The following FSTL5 variants were observed in gnomAD, a reference collection of about 807,000 sequenced individuals.
FSTL5 encodes the protein follistatin like 5.
FSTL5 carries 62 observed loss-of-function variants against 89.1 expected under a neutral mutation model. The ratio of observed to expected loss-of-function variants is 0.70; its 90% CI spans 0.57 to 0.86. FSTL5 has a LOEUF of 0.86. FSTL5 is among the 40% of genes least tolerant of loss of function. FSTL5 has a pLI of 0.00. For missense variants in FSTL5, 1,057 were observed against 1,001.6 expected (o/e 1.06, Z -0.75); for synonymous variants, 383 against 346.2 (o/e 1.11, Z -1.18).
chr4:162,159,663 G>A (rs1292845057), intron 1 of FSTL5, among the ~76,000 whole-genome samples: 4 of 152,024 alleles, frequency 2.6e-5, no homozygotes, highest in African/African-American at 9.7e-5. Flanking sequence ...CTACAGAGGT[G>A]CATGGCTTAT....
At chr4:161,862,092 T>C (rs1017058201) in intron 4 of FSTL5, among the ~76,000 whole-genome samples, 9 of 152,178 alleles carry the variant, frequency 5.9e-5, no homozygotes, top group African/African-American at 2.2e-4. Context: ...TAGAAAAACA[T>C]TTTTAAAACT....
intron 7 of FSTL5, among the ~76,000 whole-genome samples, chr4:161,608,493 T>A (rs1734529662): frequency 6.6e-6 from 1 of 151,984 alleles, no homozygotes; most frequent in Non-Finnish European, 1.5e-5. Flanking sequence ...ATAAACAGGC[T>A]CAGAAATCTT....
At chr4:161,588,060 G>T (rs566191194) in intron 7 of FSTL5, among the ~76,000 whole-genome samples, 1 of 152,236 alleles carries the variant, frequency 6.6e-6, no homozygotes, top group East Asian at 1.9e-4. Flanking sequence ...TGTAGTCCCA[G>T]TTACTCCAGA....
chr4:161,876,959 C>T (rs1415426179), intron 4 of FSTL5, among the ~76,000 whole-genome samples: 2 of 151,886 alleles, frequency 1.3e-5, no homozygotes, highest in Admixed American at 1.3e-4. Context: ...CCGAGACAGG[C>T]GGATCACCAG....
chr4:161,878,872 T>G (rs979578712), intron 4 of FSTL5, among the ~76,000 whole-genome samples: 3 of 152,210 alleles, frequency 2.0e-5, no homozygotes, highest in Non-Finnish European at 2.9e-5. Flanking sequence ...TTCCATCCAT[T>G]GTTTAATATG....
intron 6 of FSTL5, among the ~76,000 whole-genome samples, chr4:161,714,153 A>G (rs1738895964): frequency 6.6e-6 from 1 of 152,160 alleles, no homozygotes; most frequent in African/African-American, 2.4e-5. Flanking sequence ...CTTTGTGAAG[A>G]GCTGTTTCAG....
At chr4:161,848,061 A>AAAAT (rs1731431150) in intron 4 of FSTL5, among the ~76,000 whole-genome samples, 1 of 150,204 alleles carries the variant, frequency 6.7e-6, no homozygotes. Context: ...AAAAAAAAAA[A>AAAAT]ACAAGACATA....
At position 161,711,249 on chromosome 4, in the gene FSTL5, A is replaced by G. The variant is rs1041945790; in HGVS notation, c.727+48162T>C. Among the ~76,000 whole-genome samples the G allele has an allele frequency of 3.9e-5, 6 of 152,172 alleles. No individual in the cohort carries two copies. The South Asian group carries it at 1.0e-3, about 26-fold the overall frequency. The stretch of plus-strand genomic sequence containing the variant: ...AACCAAAAATGTTTTAATAAGATCA[A>G]TACAGTTTATAAATTTTGGGTTGGA... On this transcript the variant is annotated intron_variant, in intron 6 of 15. Transcript: ENST00000306100.
chr4:162,084,029 T>C (rs1422203009), intron 2 of FSTL5, among the ~76,000 whole-genome samples: 4 of 151,988 alleles, frequency 2.6e-5, no homozygotes, highest in South Asian at 2.1e-4. Context: ...GAATATCAAA[T>C]AGGCAGAATG....
chr4:162,160,610 A>T (rs1733657511), intron 1 of FSTL5, among the ~76,000 whole-genome samples: 1 of 151,854 alleles, frequency 6.6e-6, no homozygotes, highest in Admixed American at 6.6e-5. Flanking sequence ...TAATAGAAAG[A>T]TGTCATTCAA....
intron 2 of FSTL5, among the ~76,000 whole-genome samples, chr4:162,097,331 C>T (rs77978620): frequency 0.14 from 20,889 of 151,076 alleles, 1,988 homozygotes; most frequent in Non-Finnish European, 0.19. Flanking sequence ...TGTGTGTATA[C>T]GCATATATTT....
At chr4:161,923,716 T>A (rs1322654271) in intron 3 of FSTL5, among the ~76,000 whole-genome samples, 1 of 151,734 alleles carries the variant, frequency 6.6e-6, no homozygotes, top group African/African-American at 2.4e-5. Flanking sequence ...GGGAATGCTC[T>A]CCTATAACAT....
chr4:161,817,023 T>A (rs898483721), intron 4 of FSTL5, among the ~76,000 whole-genome samples: 4 of 152,292 alleles, frequency 2.6e-5, no homozygotes, highest in Admixed American at 2.0e-4. Context: ...TAATTTTAAT[T>A]ATCAAATCAA....
chr4:161,857,303 C>T (rs949833246), intron 4 of FSTL5, among the ~76,000 whole-genome samples: 2 of 152,100 alleles, frequency 1.3e-5, no homozygotes. Context: ...TGACAGATTG[C>T]ACGTGAAATA....
chr4:162,001,779 G>A (rs1736472641), intron 3 of FSTL5, among the ~76,000 whole-genome samples: 1 of 151,924 alleles, frequency 6.6e-6, no homozygotes, highest in Admixed American at 6.6e-5. Flanking sequence ...ACCTTATTAG[G>A]GCCAAAGTCA....
intron 6 of FSTL5, among the ~76,000 whole-genome samples, chr4:161,668,577 T>C (rs1294854896): frequency 6.6e-6 from 1 of 152,118 alleles, no homozygotes; most frequent in African/African-American, 2.4e-5. Flanking sequence ...GAAAGCTGCA[T>C]AAAAATATCT....
chr4:162,048,644 T>C (rs751835275), intron 2 of FSTL5, among the ~76,000 whole-genome samples: 1 of 151,832 alleles, frequency 6.6e-6, no homozygotes, highest in Non-Finnish European at 1.5e-5. Flanking sequence ...ACAAATGTGA[T>C]TGAATTTATA....
chr4:161,513,124 A>G (rs893229210), intron 10 of FSTL5, among the ~76,000 whole-genome samples: 1 of 152,174 alleles, frequency 6.6e-6, no homozygotes, highest in Non-Finnish European at 1.5e-5. Flanking sequence ...TTCACCAATA[A>G]ATTGAATATT....
At chr4:161,801,060 T>C (rs1332184539) in intron 4 of FSTL5, among the ~76,000 whole-genome samples, 1 of 151,570 alleles carries the variant, frequency 6.6e-6, no homozygotes, top group Admixed American at 6.6e-5. Flanking sequence ...AGGTTAGTAT[T>C]AGACGGTGAA....
Sources: allele counts gnomAD v4.1 joint callset (sites outside exome capture counted in the v4.1 genomes callset), GRCh38; gene constraint gnomAD v4.1.1; transcripts MANE v1.5; gene names NCBI Gene and HGNC (gene_info 2026-07-23, HGNC 2026-07-21).